The following RGS3 variants were observed in gnomAD, a reference collection of about 807,000 sequenced individuals.
RGS3 encodes the protein regulator of G protein signaling 3, also known as regulator of G-protein signalling 3.
Under a neutral mutation model 132.6 loss-of-function variants are expected in RGS3, and 80 were observed. The ratio of observed to expected loss-of-function variants is 0.60; its 90% CI spans 0.50 to 0.73. RGS3 has a LOEUF of 0.73. Among genes scored for constraint, RGS3 ranks in the 30% least tolerant of loss-of-function variants. The pLI is 0.00. For missense variants in RGS3, 1,382 were observed against 1,530.8 expected, an observed-to-expected ratio of 0.90 and a Z score of 1.62; for synonymous variants, 598 against 620.6, an observed-to-expected ratio of 0.96 and a Z score of 0.54.
intron 15 of RGS3, among the ~76,000 whole-genome samples, chr9:113,515,705 T>G (rs1417743646): frequency 6.6e-6 from 1 of 152,242 alleles, no homozygotes; most frequent in Non-Finnish European, 1.5e-5. Flanking sequence ...GTGTGAACAT[T>G]TCAGCATCTT....
chr9:113,595,454 C>A, intron 23 of RGS3, 145 bp from the exon 22 acceptor site: 1 of 858,710 alleles, frequency 1.2e-6, no homozygotes, highest in Non-Finnish European at 1.8e-6. Context: ...GGGGCCACAT[C>A]CCAGGGCTCC....
chr9:113,536,042 A>G (rs958450398), intron 18 of RGS3, among the ~76,000 whole-genome samples: 4 of 152,194 alleles, frequency 2.6e-5, no homozygotes, highest in Non-Finnish European at 5.9e-5. Flanking sequence ...GCTAAGCACT[A>G]TATGAGGCCT....
intron 1 of RGS3, among the ~76,000 whole-genome samples, chr9:113,452,302 C>G (rs1718560996): frequency 6.6e-6 from 1 of 152,070 alleles, no homozygotes; most frequent in African/African-American, 2.4e-5. Context: ...TGCACTCAGC[C>G]TGTTTTTTTT....
Position 113,462,150 on chromosome 9 carries a change from C to CA in RGS3, c.367dup (p.Thr123AsnfsTer24). ...TCTGCCCAGAAGAGATGAGTGGACTCAAACTTCTCCAGCCAGGAAGAGGAT... is the reference window on the plus strand; with the variant it reads ...TCTGCCCAGAAGAGATGAGTGGACTCAAAACTTCTCCAGCCAGGAAGAGGAT... On this transcript the variant is annotated frameshift_variant, in exon 3 of 25. Transcript: ENST00000350696. LOFTEE classifies it high-confidence loss of function. 6.2e-7 allele frequency: 1 copy of CA among 1,614,128 alleles called. No individual in the cohort carries two copies. Among genetic ancestry groups the CA allele is most frequent in the South Asian group, 1.1e-5 (1 of 91,076 alleles).
At chr9:113,451,458 T>A (rs570693174) in intron 1 of RGS3, among the ~76,000 whole-genome samples, 1 of 152,326 alleles carries the variant, frequency 6.6e-6, no homozygotes, top group Admixed American at 6.5e-5. Flanking sequence ...TTACTCTACA[T>A]AAGCCTTATA....
exon 20 of RGS3, chr9:113,583,791 C>T (rs1834950876): frequency 1.9e-6 from 3 of 1,614,080 alleles, no homozygotes; most frequent in Non-Finnish European, 8.5e-7. Context: ...CTCACCAGGA[C>T]CCTCTACTCA....
chr9:113,498,921 GAAAAAAAAAAAA>G (rs755573432), intron 10 of RGS3, among the ~76,000 whole-genome samples: 4 of 47,380 alleles, frequency 8.4e-5, no homozygotes, highest in Admixed American at 4.6e-4. Flanking sequence ...TGTCTCAATT[GAAAAAAAAAAAA>G]AAAAAAAAAA....
chr9:113,523,552 G>T (rs1291156365), intron 17 of RGS3, among the ~76,000 whole-genome samples: 1 of 152,186 alleles, frequency 6.6e-6, no homozygotes, highest in Non-Finnish European at 1.5e-5. Context: ...CCGCAACTCG[G>T]CTCTACTCAG....
At chr9:113,515,260 C>T (rs1831595445) in intron 15 of RGS3, among the ~76,000 whole-genome samples, 1 of 152,126 alleles carries the variant, frequency 6.6e-6, no homozygotes, top group Non-Finnish European at 1.5e-5. Context: ...TTACAATGAG[C>T]TGTGATCATA....
At chr9:113,508,245 C>T (rs938382935) in intron 13 of RGS3, among the ~76,000 whole-genome samples, 29 of 152,206 alleles carry the variant, frequency 1.9e-4, no homozygotes, top group Middle Eastern at 3.2e-3. Flanking sequence ...TTGGTACCGT[C>T]TTACCATTCC....
At chr9:113,541,753 G>A (rs1832912241) in intron 19 of RGS3, 23 of 1,028,726 alleles carry the variant, frequency 2.2e-5, no homozygotes, top group Non-Finnish European at 2.7e-5. Flanking sequence ...TGCCTTGGGG[G>A]CAGCAGGAGA....
At chr9:113,489,120 G>T (rs1830428361) in intron 7 of RGS3, among the ~76,000 whole-genome samples, 1 of 152,220 alleles carries the variant, frequency 6.6e-6, no homozygotes, top group Admixed American at 6.5e-5. Flanking sequence ...TCTCTTCAGA[G>T]AAGAGGAAAC....
At chr9:113,496,842 C>T (rs768632222) in intron 8 of RGS3, among the ~76,000 whole-genome samples, 17 of 152,156 alleles carry the variant, frequency 1.1e-4, no homozygotes, top group South Asian at 4.1e-4. Flanking sequence ...TGAGCCACCG[C>T]GCCCGGTCTA....
In RGS3 at chr9:113,537,896, TC is replaced by T. The variant is rs998191783; in HGVS notation, c.2037+981del. 5.3e-5 allele frequency among the ~76,000 whole-genome samples: 8 copies of T among 152,186 alleles called. No individual in the cohort carries two copies. The highest frequency in any genetic ancestry group is 4.6e-4 in the Admixed American group (7 of 15,282). On this transcript the variant is annotated intron_variant, in intron 19 of 24. Coordinates refer to ENST00000350696, the Ensembl canonical transcript of RGS3. This position sits in a 1 kb window ranked among gnomAD's most constrained non-coding sequence, Gnocchi z 4.3. ...AGGTGGACAGCAGCTCCCCAGCTAT[TC>T]CCGAAAGGAGTGAGGATCTGAGAAT...
intron 19 of RGS3, among the ~76,000 whole-genome samples, chr9:113,562,476 C>CAAAAAA (rs1184135248): frequency 1.5e-5 from 1 of 68,532 alleles, no homozygotes; most frequent in Non-Finnish European, 3.0e-5. Flanking sequence ...GACTCTGTCT[C>CAAAAAA]AAAAAAAAAA....
intron 7 of RGS3, among the ~76,000 whole-genome samples, chr9:113,490,771 T>TAA (rs991568820): frequency 7.2e-6 from 1 of 139,214 alleles, no homozygotes; most frequent in Non-Finnish European, 1.5e-5. Flanking sequence ...ATTATATATA[T>TAA]AACTTAAATA....
At chr9:113,503,372 T>A (rs996294528) in intron 10 of RGS3, 4 of 152,370 alleles carry the variant, frequency 2.6e-5, no homozygotes, top group African/African-American at 9.6e-5. Context: ...TCAGTGATCA[T>A]GGTGGACAGA....
intron 19 of RGS3, among the ~76,000 whole-genome samples, chr9:113,539,236 A>G (rs1445654832): frequency 6.6e-6 from 1 of 152,192 alleles, no homozygotes. Flanking sequence ...TAAGGTCTCC[A>G]TCTCTAGGGC....
At chr9:113,597,020 G>GC in exon 25 of RGS3, 2 of 1,402,382 alleles carry the variant, frequency 1.4e-6, no homozygotes, top group Non-Finnish European at 9.7e-7. Flanking sequence ...CTGCCTCCCT[G>GC]CCCCCTGTGA....
Sources: allele counts gnomAD v4.1 joint callset (sites outside exome capture counted in the v4.1 genomes callset), GRCh38; gene constraint gnomAD v4.1.1; non-coding constraint Gnocchi (gnomAD v3.1); transcripts MANE v1.5; gene names NCBI Gene and HGNC (gene_info 2026-07-23, HGNC 2026-07-21).